Variants in LPIN2 observed in about 807,000 individuals in gnomAD.
LPIN2 encodes the protein phosphatidate phosphatase LPIN2.
In LPIN2, 55 loss-of-function variants were observed where a neutral mutation model predicts 111.4. The ratio of observed to expected loss-of-function variants is 0.49; its 90% CI spans 0.40 to 0.62. LPIN2 has a LOEUF of 0.62. Ranked by LOEUF, LPIN2 falls within the 20% of genes least tolerant of loss-of-function variation. The pLI is 0.00. For synonymous variants in LPIN2, 425 were observed against 414.0 expected (o/e 1.03, Z -0.32); for missense variants, 992 against 1,112.1 (o/e 0.89, Z 1.54).
rs2077123419 is a variant in LPIN2 at position 2,925,853 on chromosome 18, A to C, written c.1794-485T>G. On this transcript the variant is annotated intron_variant, in intron 13 of 19. Coordinates refer to ENST00000677752, the MANE Select transcript of LPIN2 (RefSeq NM_001375808.2). The surrounding 1 kb of genome is among the most constrained non-coding windows in gnomAD (Gnocchi z 4.1). ...AGACCCAGTTTCTACGGAACATTTAAAAATTAGCCAGGGGTAGTGACACTT... is the reference window on the plus strand; with the variant it reads ...AGACCCAGTTTCTACGGAACATTTACAAATTAGCCAGGGGTAGTGACACTT... Among the ~76,000 whole-genome samples, 1 of 151,840 alleles carries C rather than the reference A, an allele frequency of 6.6e-6. No individual in the cohort carries two copies.
At chr18:2,995,675 A>G (rs1949459192) in intron 1 of LPIN2, among the ~76,000 whole-genome samples, 1 of 152,238 alleles carries the variant, frequency 6.6e-6, no homozygotes, top group South Asian at 2.1e-4. Context: ...AAAAGTAAAT[A>G]TGATTCATCT....
At position 2,936,806 on chromosome 18, in the gene LPIN2, C is replaced by T. The variant is rs936636873; in HGVS notation, c.1168+886G>A. ...TGTTGCCCAGGCTGATCTCGAAATCCTGAGCTCAAGTGATCTGTCCACCTC... is the reference window on the plus strand; with the variant it reads ...TGTTGCCCAGGCTGATCTCGAAATCTTGAGCTCAAGTGATCTGTCCACCTC... On this transcript the variant is annotated intron_variant, in intron 7 of 19. Coordinates refer to ENST00000677752, the MANE Select transcript of LPIN2 (RefSeq NM_001375808.2). Among the ~76,000 whole-genome samples, 6 of 152,152 alleles carry T rather than the reference C, an allele frequency of 3.9e-5. No individual in the cohort carries two copies. The East Asian group carries it at 7.7e-4, about 20-fold the overall frequency.
At chr18:2,981,886 C>G (rs1225033477) in intron 1 of LPIN2, among the ~76,000 whole-genome samples, 1 of 152,168 alleles carries the variant, frequency 6.6e-6, no homozygotes, top group Non-Finnish European at 1.5e-5. Flanking sequence ...TTTTGTCTCA[C>G]TGATTTTATG....
Position 2,919,777 on chromosome 18 carries a change from C to G in LPIN2, c.*516G>C. ...CTTGGCCCACTGGAGCAGCTGACCC[C>G]TTCAGTGTAGCAGGAAATGAGGCGA... On this transcript the variant is annotated 3_prime_UTR_variant, in exon 20 of 20. Coordinates refer to ENST00000677752, the MANE Select transcript of LPIN2 (RefSeq NM_001375808.2). 5.0e-6 allele frequency: 1 copy of G among 198,672 alleles called. No homozygotes were observed. The highest frequency in any genetic ancestry group is 9.2e-5 in the South Asian group (1 of 10,856). The allele number at this position is 198,672 out of a possible 1,614,324, so 12.3% of individuals were successfully genotyped here. A position where few individuals can be genotyped will look rare whatever the true frequency, so the allele number is the denominator to read the frequency against.
chr18:3,007,307 G>C (rs2078530735), intron 1 of LPIN2, among the ~76,000 whole-genome samples: 1 of 152,060 alleles, frequency 6.6e-6, no homozygotes, highest in Admixed American at 6.6e-5. Context: ...GAGTAGCTGG[G>C]ACTACAGGTG....
At chr18:3,012,517 C>T (rs1259810225) in intron 1 of LPIN2, among the ~76,000 whole-genome samples, 3 of 152,218 alleles carry the variant, frequency 2.0e-5, no homozygotes, top group Non-Finnish European at 4.4e-5. Context: ...AGAAAACTAA[C>T]CACATTTGAA....
At chr18:2,955,427 G>T (rs1377866994) in intron 2 of LPIN2, among the ~76,000 whole-genome samples, 3 of 151,078 alleles carry the variant, frequency 2.0e-5, no homozygotes, top group African/African-American at 7.4e-5. Context: ...TAAAACAATT[G>T]GATCTTGTCA....
Position 2,996,740 on chromosome 18 carries a change from G to A in LPIN2, c.-10+16347C>T, listed in dbSNP as rs140607416. 5.3e-3 allele frequency among the ~76,000 whole-genome samples: 812 copies of A among 152,118 alleles called. 4 individuals are homozygous for A. The highest frequency in any genetic ancestry group is 0.019 in the African/African-American group (778 of 41,518). On this transcript the variant is annotated intron_variant, in intron 1 of 19. Coordinates refer to ENST00000677752, the MANE Select transcript of LPIN2 (RefSeq NM_001375808.2). ...GATCCACCCACCTCGGCCTTCCAAA[G>A]TGCTGGGATTACAGGCGTGAGCCAC...
chr18:2,993,612 G>A (rs56121380), intron 1 of LPIN2, among the ~76,000 whole-genome samples: 139,037 of 152,104 alleles, frequency 0.91, 64,372 homozygotes, highest in East Asian at 1. Flanking sequence ...TCAACAAAAA[G>A]TTAACGTGTA....
intron 13 of LPIN2, among the ~76,000 whole-genome samples, chr18:2,926,292 G>C (rs2077129298): frequency 6.6e-6 from 1 of 152,214 alleles, no homozygotes; most frequent in Non-Finnish European, 1.5e-5. Context: ...GCAGAAGCAG[G>C]AACACGGCGT....
chr18:2,941,698 G>A (rs952409916), intron 4 of LPIN2, among the ~76,000 whole-genome samples: 8 of 152,312 alleles, frequency 5.3e-5, no homozygotes, highest in East Asian at 1.9e-4. Flanking sequence ...AGGCCGAGGC[G>A]GGTGGATCAC....
intron 1 of LPIN2, among the ~76,000 whole-genome samples, chr18:3,007,738 C>T (rs1221491513): frequency 1.3e-5 from 2 of 152,214 alleles, no homozygotes; most frequent in African/African-American, 2.4e-5. Flanking sequence ...ATTCAAGCAG[C>T]TCCAAATCAG....
rs1467012287 is a variant in LPIN2, at chr18:2,920,437, C to G, written c.2547G>C (p.Ser849=). The G allele has an allele frequency of 6.2e-7, 1 of 1,613,508 alleles. No individual in the cohort carries two copies. Among genetic ancestry groups the G allele is most frequent in the African/African-American group, 1.3e-5 (1 of 74,922 alleles). Residue 849 remains serine (S), a splice_region_variant and synonymous_variant, in exon 20 of 20, where the codon TCG becomes TCC. Coordinates refer to ENST00000677752, the MANE Select transcript of LPIN2 (RefSeq NM_001375808.2). ...IQERTKGNKS[S]YHRLSELVEH... ...CCACGAGCTCACTCAGCCTGTGATA[C>G]CTAAGAGAAAGGTTGGGGAAGAGGC...
At chr18:2,985,776 A>G (rs938110310) in intron 1 of LPIN2, among the ~76,000 whole-genome samples, 3 of 152,208 alleles carry the variant, frequency 2.0e-5, no homozygotes, top group Admixed American at 6.5e-5. Context: ...CACCACAAGC[A>G]TGTTATTTTA....
intron 4 of LPIN2, among the ~76,000 whole-genome samples, chr18:2,945,350 C>T (rs2077434265): frequency 6.6e-6 from 1 of 152,166 alleles, no homozygotes; most frequent in African/African-American, 2.4e-5. Flanking sequence ...AACGAATAAT[C>T]AATCTTACAT....
intron 1 of LPIN2, among the ~76,000 whole-genome samples, chr18:2,976,177 A>C (rs2078012119): frequency 6.6e-6 from 1 of 152,260 alleles, no homozygotes. Context: ...TAACATTAAC[A>C]CAATTAGGGA....
intron 14 of LPIN2, among the ~76,000 whole-genome samples, chr18:2,924,778 G>C (rs2077105721): frequency 6.6e-6 from 1 of 152,080 alleles, no homozygotes; most frequent in African/African-American, 2.4e-5. Context: ...AAAGCAAAAG[G>C]TCTACTACTC....
At position 2,924,592 on chromosome 18, in the gene LPIN2, T is replaced by C. The variant is rs193199972; in HGVS notation, c.1939-46A>G. On this transcript the variant is annotated intron_variant, in intron 14 of 19. Transcript: ENST00000677752. ...TAAAGAAAATCAGCTGAAAACATAG[T>C]TTGAAACGATTTAAAAATTTACAGA... 13 of 1,594,602 alleles carry C rather than the reference T, an allele frequency of 8.2e-6. No homozygotes were observed. The Admixed American group carries it at 2.0e-4, about 25-fold the overall frequency.
chr18:3,000,950 G>C (rs568317200), intron 1 of LPIN2, among the ~76,000 whole-genome samples: 2 of 132,456 alleles, frequency 1.5e-5, no homozygotes, highest in African/African-American at 2.8e-5. Context: ...AGGGGGGAAA[G>C]GATAGGAAAA....
Sources: gnomAD v4.1 joint callset for allele counts (sites outside exome capture counted in the v4.1 genomes callset) on GRCh38, gnomAD v4.1.1 for gene constraint, Gnocchi (gnomAD v3.1) non-coding constraint, MANE v1.5 for transcripts, NCBI Gene and HGNC (gene_info 2026-07-23, HGNC 2026-07-21) for gene names.